The following FYN variants were observed in gnomAD, a reference collection of about 807,000 sequenced individuals.
FYN encodes tyrosine-protein kinase Fyn.
Under a neutral mutation model 70.2 loss-of-function variants are expected in FYN, and 10 were observed. That is an observed-to-expected ratio of 0.14 (90% CI 0.09 to 0.24). The LOEUF (loss-of-function observed/expected upper bound fraction) is 0.24. Ranked by LOEUF, FYN falls within the 10% of genes least tolerant of loss-of-function variation. The pLI is 1.00. For synonymous variants in FYN, 236 were observed against 248.6 expected (o/e 0.95, Z 0.48); for missense variants, 319 against 673.1 (o/e 0.47, Z 5.82).
intron 3 of FYN, among the ~76,000 whole-genome samples, chr6:111,774,216 G>C (rs1803617268): frequency 6.6e-6 from 1 of 152,194 alleles, no homozygotes; most frequent in Non-Finnish European, 1.5e-5. Flanking sequence ...TCTGATGCCT[G>C]GGGCAGCAAT....
intron 2 of FYN, among the ~76,000 whole-genome samples, chr6:111,787,674 G>A (rs183683277): frequency 1.2e-4 from 19 of 152,302 alleles, no homozygotes; most frequent in Non-Finnish European, 1.5e-4. Context: ...TGGGTCTCAC[G>A]CATATGCCAA....
chr6:111,867,124 C>T (rs1466399201), intron 1 of FYN, among the ~76,000 whole-genome samples: 1 of 152,176 alleles, frequency 6.6e-6, no homozygotes, highest in African/African-American at 2.4e-5. Flanking sequence ...GGTGACCTCA[C>T]CCACATCCAT....
At chr6:111,776,026 TCTC>T (rs929399448) in intron 3 of FYN, among the ~76,000 whole-genome samples, 2 of 152,184 alleles carry the variant, frequency 1.3e-5, no homozygotes, top group African/African-American at 4.8e-5. Flanking sequence ...CATCTCAGCT[TCTC>T]CTCCCCCTGT....
intron 2 of FYN, among the ~76,000 whole-genome samples, chr6:111,835,174 A>G (rs1773139624): frequency 6.6e-6 from 1 of 152,190 alleles, no homozygotes; most frequent in Non-Finnish European, 1.5e-5. Context: ...TTTTCATTTC[A>G]ATTTTTCTCA....
intron 3 of FYN, among the ~76,000 whole-genome samples, chr6:111,741,545 A>G (rs1323086461): frequency 6.6e-6 from 1 of 152,156 alleles, no homozygotes; most frequent in African/African-American, 2.4e-5. Context: ...TACTTTTGAA[A>G]TAAAAAATAA....
intron 3 of FYN, among the ~76,000 whole-genome samples, chr6:111,751,179 T>G (rs1802468699): frequency 6.6e-6 from 1 of 152,216 alleles, no homozygotes; most frequent in Non-Finnish European, 1.5e-5. Flanking sequence ...GGGACAGAAC[T>G]TCTGGGAAAC....
chr6:111,845,142 G>C (rs1485548946), intron 2 of FYN, among the ~76,000 whole-genome samples: 1 of 152,260 alleles, frequency 6.6e-6, no homozygotes. Context: ...TTCACTGCCT[G>C]AGTTGGACAG....
intron 1 of FYN, among the ~76,000 whole-genome samples, chr6:111,871,747 G>T (rs1243186835): frequency 1.3e-5 from 2 of 152,190 alleles, no homozygotes. Context: ...AAGGACAGGG[G>T]AAAGAACGAG....
In FYN at chr6:111,664,304, C is replaced by T. The variant is rs552578996; in HGVS notation, c.1406-2357G>A. Reference sequence around the variant, plus strand: ...AGGGCCTGACAGATCCTTCTGGGTGCGGTTACAGCCCCTGAAACGCCTCCT... The same window carrying T: ...AGGGCCTGACAGATCCTTCTGGGTGTGGTTACAGCCCCTGAAACGCCTCCT... On this transcript the variant is annotated intron_variant, in intron 13 of 13. Coordinates refer to ENST00000354650, the MANE Select transcript of FYN (RefSeq NM_002037.5). 4.6e-5 allele frequency among the ~76,000 whole-genome samples: 7 copies of T among 152,082 alleles called. 1 individual carries two copies. The highest frequency in any genetic ancestry group is 4.1e-4 in the South Asian group (2 of 4,822).
At chr6:111,674,446 G>C in intron 13 of FYN, 53 bp downstream of exon 13, 1 of 1,557,006 alleles carries the variant, frequency 6.4e-7, no homozygotes, top group Non-Finnish European at 8.7e-7. Flanking sequence ...TTCCCAAATG[G>C]TGTCAAAAAA....
intron 2 of FYN, among the ~76,000 whole-genome samples, chr6:111,795,910 T>C (rs900681029): frequency 5.9e-5 from 9 of 152,172 alleles, no homozygotes; most frequent in East Asian, 1.9e-4. Context: ...TAGGTTGAGA[T>C]TGTAGTTAGG....
chr6:111,772,593 ACAT>A (rs1803492739), intron 3 of FYN, among the ~76,000 whole-genome samples: 1 of 152,216 alleles, frequency 6.6e-6, no homozygotes, highest in Non-Finnish European at 1.5e-5. Context: ...CAGGTGCATG[ACAT>A]CATTTATAAA....
intron 5 of FYN, among the ~76,000 whole-genome samples, chr6:111,713,630 T>C (rs941192125): frequency 1.3e-5 from 2 of 152,166 alleles, no homozygotes; most frequent in Non-Finnish European, 2.9e-5. Context: ...GCAGTATTTA[T>C]AAACCCTAAG....
chr6:111,740,733 G>A (rs1198775430), intron 3 of FYN, among the ~76,000 whole-genome samples: 2 of 152,110 alleles, frequency 1.3e-5, no homozygotes, highest in Non-Finnish European at 2.9e-5. Context: ...AACACACTCT[G>A]CTCTGTTTTA....
intron 12 of FYN, among the ~76,000 whole-genome samples, chr6:111,687,356 C>A (rs1799051918): frequency 6.6e-6 from 1 of 152,174 alleles, no homozygotes; most frequent in Non-Finnish European, 1.5e-5. Flanking sequence ...CCTAAACTTA[C>A]AGCAGTCTTA....
intron 4 of FYN, 131 bp downstream of exon 4, chr6:111,719,674 G>T (rs1800839817): frequency 9.8e-7 from 1 of 1,023,170 alleles, no homozygotes; most frequent in Non-Finnish European, 1.4e-6. Context: ...TCATCTAGTA[G>T]AGGAGACAGA....
chr6:111,719,450 G>A (rs144267488), intron 4 of FYN, among the ~76,000 whole-genome samples: 3 of 152,250 alleles, frequency 2.0e-5, no homozygotes, highest in South Asian at 2.1e-4. Context: ...ACTGGGACAT[G>A]GCTCAGGCAT....
intron 2 of FYN, among the ~76,000 whole-genome samples, chr6:111,840,269 T>C (rs1367587645): frequency 6.6e-6 from 1 of 152,150 alleles, no homozygotes; most frequent in Non-Finnish European, 1.5e-5. Flanking sequence ...GTTAAGGATT[T>C]GAGAGGAAGA....
chr6:111,769,087 G>A (rs1803340432), intron 3 of FYN, among the ~76,000 whole-genome samples: 1 of 152,130 alleles, frequency 6.6e-6, no homozygotes, highest in African/African-American at 2.4e-5. Context: ...GGATTTTAGG[G>A]GATCTGTGAA....
Sources: gnomAD v4.1 joint callset for allele counts (sites outside exome capture counted in the v4.1 genomes callset) on GRCh38, gnomAD v4.1.1 for gene constraint, MANE v1.5 for transcripts, NCBI Gene and HGNC (gene_info 2026-07-23, HGNC 2026-07-21) for gene names.